Variants in EXOC4 observed in about 807,000 individuals in gnomAD.
EXOC4 encodes the protein exocyst complex component 4, also known as SEC8-like 1.
In EXOC4, 71 loss-of-function variants were observed where a neutral mutation model predicts 107.2. The ratio of observed to expected loss-of-function variants is 0.66; its 90% confidence interval spans 0.55 to 0.81. EXOC4 has a LOEUF of 0.81. EXOC4 is among the 30% of genes least tolerant of loss of function. EXOC4 has a pLI of 0.00. For synonymous variants in EXOC4, 456 were observed against 441.2 expected, an observed-to-expected ratio of 1.03 and a Z score of -0.42; for missense variants, 1,108 against 1,189.6, an observed-to-expected ratio of 0.93 and a Z score of 1.01.
intron 7 of EXOC4, chr7:133,447,227 T>G (rs781087873): frequency 6.6e-6 from 1 of 152,152 alleles, no homozygotes; most frequent in African/African-American, 2.4e-5. Context: ...CATGAAAACA[T>G]CAGTGTTAAT....
chr7:133,646,026 G>A (rs1210739882), intron 10 of EXOC4, among the ~76,000 whole-genome samples: 1 of 144,624 alleles, frequency 6.9e-6, no homozygotes, highest in Non-Finnish European at 1.5e-5. Flanking sequence ...GACAGCACAC[G>A]AAGCTTCTCC....
At chr7:133,421,340 T>C (rs1035400457) in intron 7 of EXOC4, among the ~76,000 whole-genome samples, 2 of 152,196 alleles carry the variant, frequency 1.3e-5, no homozygotes, top group African/African-American at 4.8e-5. Context: ...CATGGATGGC[T>C]GATCCAAACT....
At chr7:133,341,751 TC>T (rs1795665145) in intron 5 of EXOC4, among the ~76,000 whole-genome samples, 1 of 152,216 alleles carries the variant, frequency 6.6e-6, no homozygotes, top group South Asian at 2.1e-4. Context: ...TGTGGTATTT[TC>T]CTGTTGGATT....
intron 5 of EXOC4, among the ~76,000 whole-genome samples, chr7:133,329,265 C>G (rs1042646275): frequency 1.3e-5 from 2 of 152,168 alleles, no homozygotes; most frequent in Non-Finnish European, 2.9e-5. Flanking sequence ...GTTTTCAGCT[C>G]CATCAGGTCA....
chr7:133,942,467 G>T (rs1326342710), intron 14 of EXOC4, among the ~76,000 whole-genome samples: 1 of 152,086 alleles, frequency 6.6e-6, no homozygotes, highest in Non-Finnish European at 1.5e-5. Flanking sequence ...GAATTGGTTT[G>T]TGAATTGCAG....
chr7:133,939,478 C>G (rs1425681273), intron 14 of EXOC4, among the ~76,000 whole-genome samples: 1 of 152,166 alleles, frequency 6.6e-6, no homozygotes, highest in East Asian at 1.9e-4. Context: ...CACCAGAAAT[C>G]TCCTTAAAAT....
At chr7:133,905,513 T>C (rs1799546042) in intron 12 of EXOC4, among the ~76,000 whole-genome samples, 1 of 152,190 alleles carries the variant, frequency 6.6e-6, no homozygotes, top group Non-Finnish European at 1.5e-5. Flanking sequence ...TCCCCTTGCC[T>C]GTCCTCTGTC....
At chr7:133,322,333 G>C (rs1472276112) in intron 5 of EXOC4, among the ~76,000 whole-genome samples, 1 of 152,144 alleles carries the variant, frequency 6.6e-6, no homozygotes, top group East Asian at 1.9e-4. Context: ...TTTTCTTCTA[G>C]GGTTTTTATG....
chr7:133,741,774 T>G (rs1285809083), intron 10 of EXOC4, among the ~76,000 whole-genome samples: 1 of 152,216 alleles, frequency 6.6e-6, no homozygotes, highest in Admixed American at 6.5e-5. Flanking sequence ...AAACCCATAT[T>G]ATGGATGAGT....
At chr7:133,623,105 G>A (rs1185349144) in intron 9 of EXOC4, among the ~76,000 whole-genome samples, 2 of 152,028 alleles carry the variant, frequency 1.3e-5, no homozygotes, top group African/African-American at 2.4e-5. Context: ...GTAGATGTTT[G>A]GTAAATCAGA....
At chr7:133,304,620 G>C (rs1045576777) in intron 3 of EXOC4, among the ~76,000 whole-genome samples, 9 of 152,172 alleles carry the variant, frequency 5.9e-5, no homozygotes, top group Non-Finnish European at 1.2e-4. Context: ...CAGCTACAAA[G>C]GTTTCTCTGT....
rs1251329270 is a variant in EXOC4, at chr7:133,253,091, C to T, written c.-11C>T. The T allele has an allele frequency of 6.2e-7, 1 of 1,614,096 alleles. No homozygotes were observed. On this transcript the variant is annotated 5_prime_UTR_variant, in exon 1 of 18. Transcript: ENST00000253861. ...CTTCCTTGGAGCCTAGCGGCTCTCCCCGCGTCCAAGATGGCGGCAGAAGCA... is the reference window on the plus strand; with the variant it reads ...CTTCCTTGGAGCCTAGCGGCTCTCCTCGCGTCCAAGATGGCGGCAGAAGCA...
chr7:133,430,001 T>C (rs1209212095), intron 7 of EXOC4, among the ~76,000 whole-genome samples: 2 of 152,212 alleles, frequency 1.3e-5, no homozygotes, highest in African/African-American at 4.8e-5. Flanking sequence ...TAATGCTCTT[T>C]TAGCAGTTGC....
chr7:133,576,584 A>AGG, intron 9 of EXOC4: 1 of 1,289,840 alleles, frequency 7.8e-7, no homozygotes, highest in African/African-American at 1.5e-5. Context: ...TCCCAGATCT[A>AGG]TAAAGCGGAT....
At chr7:133,398,892 AT>A (rs896959018) in intron 7 of EXOC4, among the ~76,000 whole-genome samples, 1 of 152,204 alleles carries the variant, frequency 6.6e-6, no homozygotes, top group African/African-American at 2.4e-5. Context: ...ATGTAAAGCG[AT>A]GTTTAAGTGC....
chr7:133,874,239 C>CT (rs1585214399), intron 11 of EXOC4, among the ~76,000 whole-genome samples: 4 of 152,178 alleles, frequency 2.6e-5, no homozygotes, highest in Non-Finnish European at 5.9e-5. Context: ...CCCAGGTCTC[C>CT]TGTTGGCTAG....
At chr7:133,512,009 T>C (rs879594960) in intron 9 of EXOC4, among the ~76,000 whole-genome samples, 6 of 152,210 alleles carry the variant, frequency 3.9e-5, no homozygotes, top group Non-Finnish European at 8.8e-5. Flanking sequence ...AGAATTCAGA[T>C]GTCGATGAGA....
At chr7:133,359,414 G>A (rs1796091829) in intron 6 of EXOC4, among the ~76,000 whole-genome samples, 1 of 152,140 alleles carries the variant, frequency 6.6e-6, no homozygotes, top group Non-Finnish European at 1.5e-5. Flanking sequence ...ATTTCAGAGA[G>A]AAGTAAAATC....
intron 9 of EXOC4, among the ~76,000 whole-genome samples, chr7:133,488,644 C>G (rs1188424755): frequency 6.6e-6 from 1 of 151,942 alleles, no homozygotes; most frequent in Non-Finnish European, 1.5e-5. Flanking sequence ...AAATAAATTT[C>G]CAATAGGTTG....
Sources: allele counts gnomAD v4.1 joint callset (sites outside exome capture counted in the v4.1 genomes callset), GRCh38; gene constraint gnomAD v4.1.1; transcripts MANE v1.5; gene names NCBI Gene and HGNC (gene_info 2026-07-23, HGNC 2026-07-21).